The following CRTAC1 variants were observed in gnomAD, a reference collection of about 807,000 sequenced individuals.
CRTAC1 encodes the protein acidic secreted protein in cartilage.
Under a neutral mutation model 67.8 loss-of-function variants are expected in CRTAC1, and 37 were observed. The observed-to-expected ratio is 0.55, with a 90% CI of 0.42 to 0.72. CRTAC1 has a LOEUF of 0.72. CRTAC1 is among the 30% of genes least tolerant of loss of function. CRTAC1 has a pLI of 0.00. For missense variants in CRTAC1, 780 were observed against 931.6 expected (o/e 0.84, Z 2.12); for synonymous variants, 348 against 371.0 (o/e 0.94, Z 0.71).
chr10:97,891,605 G>A (rs762258255), intron 11 of CRTAC1, among the ~76,000 whole-genome samples: 1 of 152,250 alleles, frequency 6.6e-6, no homozygotes, highest in Non-Finnish European at 1.5e-5. Flanking sequence ...AGGGCAGGGG[G>A]CATTTCTTCT....
chr10:97,931,625 A>G (rs192264198), intron 3 of CRTAC1, among the ~76,000 whole-genome samples: 4 of 152,368 alleles, frequency 2.6e-5, no homozygotes, highest in Admixed American at 2.0e-4. Flanking sequence ...AGGGAGACAC[A>G]TAAATTATTA....
chr10:97,935,569 C>A (rs992571252), intron 3 of CRTAC1, among the ~76,000 whole-genome samples: 3 of 152,128 alleles, frequency 2.0e-5, no homozygotes, highest in Non-Finnish European at 4.4e-5. Flanking sequence ...CACTTCAGTT[C>A]GGGAAGCTCC....
intron 2 of CRTAC1, among the ~76,000 whole-genome samples, chr10:97,978,710 C>G (rs1204196583): frequency 6.6e-6 from 1 of 152,166 alleles, no homozygotes; most frequent in Non-Finnish European, 1.5e-5. Flanking sequence ...TAATGTCCTC[C>G]CTTCAGAAGG....
intron 2 of CRTAC1, among the ~76,000 whole-genome samples, chr10:97,945,699 C>T (rs959402487): frequency 6.6e-6 from 1 of 152,082 alleles, no homozygotes; most frequent in African/African-American, 2.4e-5. Context: ...CAGATTTGAT[C>T]CTGATTTAGG....
intron 2 of CRTAC1, among the ~76,000 whole-genome samples, chr10:97,969,179 C>T (rs1320064590): frequency 6.6e-6 from 1 of 152,194 alleles, no homozygotes; most frequent in African/African-American, 2.4e-5. Flanking sequence ...CCAACGATGC[C>T]TGTACCATCC....
At chr10:98,015,324 T>C (rs1842975324) in intron 1 of CRTAC1, among the ~76,000 whole-genome samples, 1 of 152,038 alleles carries the variant, frequency 6.6e-6, no homozygotes, top group Admixed American at 6.5e-5. Flanking sequence ...GAAAGCAGAA[T>C]GGTGGTTGCC....
intron 14 of CRTAC1, chr10:97,878,273 C>T (rs2050169621): frequency 5.0e-6 from 1 of 200,622 alleles, no homozygotes; most frequent in African/African-American, 2.4e-5. Context: ...AATGGGCTTT[C>T]TAGAAGTGGA....
At chr10:97,960,946 A>T (rs559162865) in intron 2 of CRTAC1, among the ~76,000 whole-genome samples, 2 of 152,304 alleles carry the variant, frequency 1.3e-5, no homozygotes, top group East Asian at 3.9e-4. Context: ...CATTTGTTTG[A>T]ACTCACTGTT....
intron 14 of CRTAC1, chr10:97,878,490 T>G: frequency 1.3e-6 from 1 of 783,140 alleles, no homozygotes; most frequent in Non-Finnish European, 1.7e-6. Flanking sequence ...GGTTGCTGCA[T>G]TCTTAAGTGT....
Position 97,904,907 on chromosome 10 carries a change from AGG to A in CRTAC1, c.851-95_851-94del, listed in dbSNP as rs2050590345. 2.2e-6 allele frequency: 3 copies of A among 1,388,146 alleles called. No homozygotes were observed. The Admixed American group carries it at 8.3e-5, about 38-fold the overall frequency. The allele number at this position is 1,388,146 out of a possible 1,614,324, so 86.0% of individuals were successfully genotyped here. ...CTAGCTCTGTGACAAGCAACTAGGG[AGG>A]GTGACTCTCATCTTGTTCCCGGGAG... On this transcript the variant is annotated intron_variant, in intron 6 of 14. Coordinates refer to ENST00000370597, the MANE Select transcript of CRTAC1 (RefSeq NM_018058.7).
intron 2 of CRTAC1, among the ~76,000 whole-genome samples, chr10:97,991,447 T>C (rs1201774649): frequency 6.7e-6 from 1 of 150,224 alleles, no homozygotes; most frequent in Non-Finnish European, 1.5e-5. Flanking sequence ...AATAAATAAA[T>C]AAGATAAAAA....
intron 3 of CRTAC1, among the ~76,000 whole-genome samples, chr10:97,927,003 G>T (rs1215212026): frequency 1.3e-5 from 2 of 152,182 alleles, no homozygotes; most frequent in Non-Finnish European, 2.9e-5. Context: ...AGATGCCTGG[G>T]TCACACTCCA....
chr10:97,998,357 G>A (rs904427064), intron 2 of CRTAC1, among the ~76,000 whole-genome samples: 3 of 152,006 alleles, frequency 2.0e-5, no homozygotes, highest in Admixed American at 6.6e-5. Context: ...GCACAGACCA[G>A]GTATTTTTTT....
At chr10:97,931,531 A>G (rs2051004030) in intron 3 of CRTAC1, among the ~76,000 whole-genome samples, 2 of 152,278 alleles carry the variant, frequency 1.3e-5, no homozygotes. Context: ...GTGTACTGCC[A>G]TGAAATCAAA....
chr10:97,969,046 C>T (rs899518792), intron 2 of CRTAC1, among the ~76,000 whole-genome samples: 15 of 152,174 alleles, frequency 9.9e-5, no homozygotes, highest in African/African-American at 2.9e-4. Context: ...GGTTTGCTTT[C>T]CTTTCCCCCC....
At chr10:97,897,270 G>A (rs1564883732) in intron 8 of CRTAC1, among the ~76,000 whole-genome samples, 1 of 152,206 alleles carries the variant, frequency 6.6e-6, no homozygotes, top group Admixed American at 6.5e-5. Context: ...TGAAGAAGGG[G>A]CAGGGACACA....
At chr10:97,880,979 CCTCT>C (rs1283212215) in intron 13 of CRTAC1, among the ~76,000 whole-genome samples, 1 of 152,152 alleles carries the variant, frequency 6.6e-6, no homozygotes, top group East Asian at 1.9e-4. Context: ...CACCAGTCCA[CCTCT>C]CTCTGTCACC....
At chr10:97,896,102 C>T (rs1482508565) in intron 9 of CRTAC1, 117 bp from the exon 10 acceptor site, 1 of 852,544 alleles carries the variant, frequency 1.2e-6, no homozygotes, top group Admixed American at 2.0e-5. Flanking sequence ...GAAAGCACAG[C>T]ACCGGGGCAG....
intron 1 of CRTAC1, among the ~76,000 whole-genome samples, chr10:98,013,798 A>G (rs1457316988): frequency 6.6e-6 from 1 of 152,266 alleles, no homozygotes; most frequent in African/African-American, 2.4e-5. Context: ...TTTGAACAAG[A>G]CAAGCTTTTC....
Sources: allele counts gnomAD v4.1 joint callset (sites outside exome capture counted in the v4.1 genomes callset), GRCh38; gene constraint gnomAD v4.1.1; transcripts MANE v1.5; gene names NCBI Gene and HGNC (gene_info 2026-07-23, HGNC 2026-07-21).